Variants in LRP1B observed in about 807,000 individuals in gnomAD.
LRP1B encodes the protein LDL receptor related protein 1B, also known as low-density lipoprotein receptor-related protein 1B.
LRP1B carries 217 observed loss-of-function variants against 556.6 expected under a neutral mutation model. The ratio of observed to expected loss-of-function variants is 0.39; its 90% confidence interval spans 0.35 to 0.44. The LOEUF (loss-of-function observed/expected upper bound fraction) is 0.44, where lower values mean the gene tolerates loss of function less well. Ranked by LOEUF, LRP1B falls within the 20% of genes least tolerant of loss-of-function variation. The pLI is 1.00. For missense variants in LRP1B, 5,053 were observed against 5,620.8 expected (o/e 0.90, Z 3.23); for synonymous variants, 2,047 against 1,865.8 (o/e 1.10, Z -2.50).
rs114469635 is a variant in LRP1B, at chr2:140,569,747, T to C, written c.7195-27776A>G. On this transcript the variant is annotated intron_variant, in intron 43 of 90. Transcript: ENST00000389484. ...GCAACAGCTACAGAATAAACATTCT[T>C]TTCATGAGCACATGGGACATTCTCC... Among the ~76,000 whole-genome samples, 563 of 152,028 alleles carry C rather than the reference T, an allele frequency of 3.7e-3. 3 individuals are homozygous for C. The highest frequency in any genetic ancestry group is 0.013 in the African/African-American group (531 of 41,558).
chr2:140,672,746 G>C (rs1685533553), intron 41 of LRP1B, among the ~76,000 whole-genome samples: 1 of 152,022 alleles, frequency 6.6e-6, no homozygotes, highest in Admixed American at 6.6e-5. Context: ...TTCTCTTACA[G>C]TCCAAACTGG....
intron 1 of LRP1B, among the ~76,000 whole-genome samples, chr2:142,016,417 T>C (rs1300659173): frequency 6.6e-6 from 1 of 152,076 alleles, no homozygotes; most frequent in African/African-American, 2.4e-5. Flanking sequence ...AGCAAAGACT[T>C]GGAACCAACC....
rs780902396 is a variant in LRP1B, at chr2:140,867,779, G to A, written c.4390C>T (p.Arg1464Ter). The change falls in exon 27 of 91, where the codon CGA (arginine) becomes TGA (stop). Residue 1464 changes from arginine (R) to a stop codon, truncating the protein, a stop_gained. Transcript: ENST00000389484. LOFTEE classifies it high-confidence loss of function. ...GGATGGGAAAGGTATTCATGACCTCGGATGATTTCTATCATGTTTGTTCCA... is the reference window on the plus strand; with the variant it reads ...GGATGGGAAAGGTATTCATGACCTCAGATGATTTCTATCATGTTTGTTCCA... ...YDGTNMIEII[R>*]GHEYLSHPFA... 2 of 1,605,152 alleles carry A rather than the reference G, an allele frequency of 1.2e-6. No homozygotes were observed. Among genetic ancestry groups the A allele is most frequent in the Non-Finnish European group, 1.7e-6 (2 of 1,175,358 alleles).
At chr2:140,766,833 A>AT (rs1480624131) in intron 35 of LRP1B, among the ~76,000 whole-genome samples, 3,378 of 30,286 alleles carry the variant, frequency 0.11, 94 homozygotes, top group Middle Eastern at 0.15. Flanking sequence ...ATATATATAT[A>AT]TATATATATA....
At chr2:141,247,431 T>C in intron 4 of LRP1B, 77 bp from the exon 5 acceptor site, 3 of 1,552,544 alleles carry the variant, frequency 1.9e-6, no homozygotes, top group Non-Finnish European at 2.6e-6. Context: ...AAAATATTAT[T>C]TTTGAACTTC....
At chr2:141,049,253 C>G (rs1479345409) in intron 10 of LRP1B, 31 bp from the exon 11 acceptor site, 1 of 1,374,334 alleles carries the variant, frequency 7.3e-7, no homozygotes, top group African/African-American at 1.4e-5. Context: ...ACACAAACAA[C>G]TGATGCTGCT....
At chr2:141,092,503 A>C (rs1700193933) in intron 7 of LRP1B, among the ~76,000 whole-genome samples, 1 of 152,214 alleles carries the variant, frequency 6.6e-6, no homozygotes, top group African/African-American at 2.4e-5. Context: ...GGTATAAGAT[A>C]AAAGTAGGAA....
intron 20 of LRP1B, among the ~76,000 whole-genome samples, chr2:140,934,837 C>T (rs1008748813): frequency 6.6e-6 from 1 of 152,148 alleles, no homozygotes; most frequent in Non-Finnish European, 1.5e-5. Flanking sequence ...TGCCCTCTTA[C>T]TTTCATTTCA....
chr2:142,067,876 A>G (rs576328915), intron 1 of LRP1B, among the ~76,000 whole-genome samples: 2 of 151,724 alleles, frequency 1.3e-5, no homozygotes, highest in African/African-American at 4.8e-5. Flanking sequence ...TTTTCCCACT[A>G]GTTCTAAAAA....
At chr2:141,955,626 C>T (rs779090716) in intron 1 of LRP1B, among the ~76,000 whole-genome samples, 1 of 152,048 alleles carries the variant, frequency 6.6e-6, no homozygotes, top group Non-Finnish European at 1.5e-5. Context: ...AAGGCAGCTT[C>T]CCAGAGATCA....
intron 3 of LRP1B, among the ~76,000 whole-genome samples, chr2:141,310,004 T>C (rs753042707): frequency 6.6e-5 from 10 of 152,146 alleles, no homozygotes; most frequent in Non-Finnish European, 1.5e-4. Flanking sequence ...AATTACCCAG[T>C]CTAAGACATT....
At chr2:142,015,800 T>C (rs1322979094) in intron 1 of LRP1B, among the ~76,000 whole-genome samples, 1 of 151,724 alleles carries the variant, frequency 6.6e-6, no homozygotes, top group African/African-American at 2.4e-5. Flanking sequence ...GAGACCATCC[T>C]GGCTAACACG....
intron 2 of LRP1B, among the ~76,000 whole-genome samples, chr2:141,579,758 G>A (rs1574100888): frequency 9.8e-6 from 1 of 101,870 alleles, no homozygotes; most frequent in Non-Finnish European, 1.9e-5. Flanking sequence ...GGAGTGCAGT[G>A]GCGTGATCTC....
intron 1 of LRP1B, among the ~76,000 whole-genome samples, chr2:141,853,650 TA>T (rs1697942999): frequency 6.6e-6 from 1 of 151,866 alleles, no homozygotes; most frequent in Non-Finnish European, 1.5e-5. Context: ...GTTTTTGCCT[TA>T]TTTGAAAATC....
intron 2 of LRP1B, among the ~76,000 whole-genome samples, chr2:141,726,925 C>A (rs1441486138): frequency 6.6e-6 from 1 of 151,958 alleles, no homozygotes. Context: ...GTAAAACTAG[C>A]ATGTATTCTA....
intron 3 of LRP1B, among the ~76,000 whole-genome samples, chr2:141,314,606 A>G (rs1308702090): frequency 2.6e-5 from 4 of 151,552 alleles, no homozygotes; most frequent in Non-Finnish European, 5.9e-5. Context: ...CTTGGCTAAC[A>G]TGATGAAACC....
intron 31 of LRP1B, among the ~76,000 whole-genome samples, chr2:140,829,697 A>G (rs779785729): frequency 6.6e-6 from 1 of 152,096 alleles, no homozygotes; most frequent in Non-Finnish European, 1.5e-5. Context: ...GAACATCCCA[A>G]TGAGGCACTC....
At chr2:142,072,128 T>A (rs1705339330) in intron 1 of LRP1B, among the ~76,000 whole-genome samples, 1 of 151,936 alleles carries the variant, frequency 6.6e-6, no homozygotes, top group Non-Finnish European at 1.5e-5. Context: ...CAGCACTACC[T>A]AAGCTAATGC....
intron 3 of LRP1B, among the ~76,000 whole-genome samples, chr2:141,279,959 T>C (rs899717717): frequency 2.0e-5 from 3 of 152,136 alleles, no homozygotes; most frequent in African/African-American, 7.2e-5. Flanking sequence ...TGCAAACTTA[T>C]AGACTGTGGG....
Sources: gnomAD v4.1 joint callset for allele counts (sites outside exome capture counted in the v4.1 genomes callset) on GRCh38, gnomAD v4.1.1 for gene constraint, MANE v1.5 for transcripts, NCBI Gene and HGNC (gene_info 2026-07-23, HGNC 2026-07-21) for gene names.